Variants in KAZN observed in about 807,000 individuals in gnomAD.
KAZN encodes kazrin.
Under a neutral mutation model 87.4 loss-of-function variants are expected in KAZN, and 40 were observed. The ratio of observed to expected loss-of-function variants is 0.46; its 90% CI spans 0.36 to 0.60. The LOEUF is 0.60. KAZN is among the 20% of genes least tolerant of loss of function. The probability of loss-of-function intolerance (pLI) is 0.00; values close to 1 mark genes in which losing one functional copy is unlikely to be tolerated. For missense variants in KAZN, 898 were observed against 1,073.9 expected (o/e 0.84, Z 2.29); for synonymous variants, 466 against 458.3 (o/e 1.02, Z -0.22).
At chr1:14,276,275 A>G (rs1652348656) in intron 2 of KAZN, among the ~76,000 whole-genome samples, 2 of 151,768 alleles carry the variant, frequency 1.3e-5, no homozygotes, top group Non-Finnish European at 2.9e-5. Context: ...CATCATCATC[A>G]TCATCATCAT....
intron 1 of KAZN, among the ~76,000 whole-genome samples, chr1:14,741,676 C>T (rs979408494): frequency 3.3e-5 from 5 of 152,182 alleles, no homozygotes; most frequent in Non-Finnish European, 7.3e-5. Flanking sequence ...CACTTCCCCC[C>T]GGGGTTTCAA....
At position 14,471,459 on chromosome 1, in the gene KAZN, T is replaced by G. The variant is rs924361304; in HGVS notation, c.250-127524T>G. Among the ~76,000 whole-genome samples, 3 of 152,188 alleles carry G rather than the reference T, an allele frequency of 2.0e-5. No individual in the cohort carries two copies. The South Asian group carries it at 6.2e-4, about 32-fold the overall frequency. On this transcript the variant is annotated intron_variant, in intron 2 of 16. Transcript: ENST00000636203. Reference sequence around the variant, plus strand: ...AAGCTACAGCGCACACACAGGGACATTGCATCGACTTTGGCTTTTGCTCTG... The same window carrying G: ...AAGCTACAGCGCACACACAGGGACAGTGCATCGACTTTGGCTTTTGCTCTG...
At chr1:14,552,416 G>A (rs35030992) in intron 2 of KAZN, among the ~76,000 whole-genome samples, 24,629 of 152,210 alleles carry the variant, frequency 0.16, 2,257 homozygotes, top group East Asian at 0.25. Flanking sequence ...CCCACCCTCC[G>A]TACCACGGCT....
intron 1 of KAZN, among the ~76,000 whole-genome samples, chr1:14,931,016 CCT>C (rs1473079864): frequency 3.3e-5 from 5 of 152,130 alleles, no homozygotes; most frequent in African/African-American, 4.8e-5. Context: ...GAGAGGGAAA[CCT>C]CTGCAGGGAT....
At chr1:14,757,925 A>G (rs1164922003) in intron 1 of KAZN, among the ~76,000 whole-genome samples, 1 of 152,052 alleles carries the variant, frequency 6.6e-6, no homozygotes, top group African/African-American at 2.4e-5. Flanking sequence ...GAGAGGGAGG[A>G]ATACGTTTTG....
At chr1:15,078,754 A>C (rs1327593743) in intron 8 of KAZN, among the ~76,000 whole-genome samples, 3 of 152,192 alleles carry the variant, frequency 2.0e-5, no homozygotes, top group African/African-American at 7.2e-5. Context: ...AGCTGCCGCT[A>C]CGGGACCTCC....
intron 2 of KAZN, among the ~76,000 whole-genome samples, chr1:14,231,831 T>G (rs637709): frequency 0.95 from 144,851 of 152,310 alleles, 68,933 homozygotes; most frequent in East Asian, 1. Context: ...TTCATAGAAA[T>G]TCTAAACAGG....
At chr1:15,037,564 TA>T (rs1672465187) in intron 3 of KAZN, among the ~76,000 whole-genome samples, 1 of 151,842 alleles carries the variant, frequency 6.6e-6, no homozygotes, top group South Asian at 2.1e-4. Flanking sequence ...GCAAGGGGGG[TA>T]GGGGCATATG....
chr1:14,068,276 G>A (rs1280578034), intron 1 of KAZN, among the ~76,000 whole-genome samples: 2 of 152,190 alleles, frequency 1.3e-5, no homozygotes, highest in African/African-American at 2.4e-5. Context: ...TTTGTGTGAC[G>A]ATGTTTTGGA....
intron 1 of KAZN, among the ~76,000 whole-genome samples, chr1:13,945,870 C>A (rs1435827616): frequency 1.3e-5 from 2 of 152,120 alleles, no homozygotes; most frequent in Non-Finnish European, 2.9e-5. Flanking sequence ...GTGTGGTTTT[C>A]AGAACATCCG....
At chr1:14,398,595 G>T (rs1419340335) in intron 2 of KAZN, among the ~76,000 whole-genome samples, 1 of 152,188 alleles carries the variant, frequency 6.6e-6, no homozygotes, top group Non-Finnish European at 1.5e-5. Flanking sequence ...CTCAATGACA[G>T]GTTCTAAGCT....
intron 1 of KAZN, among the ~76,000 whole-genome samples, chr1:13,905,812 T>C (rs1639415563): frequency 6.6e-6 from 1 of 152,218 alleles, no homozygotes; most frequent in Non-Finnish European, 1.5e-5. Flanking sequence ...TAATTTCCTA[T>C]AGCCATTATA....
At chr1:14,606,513 T>C (rs947635317) in intron 1 of KAZN, among the ~76,000 whole-genome samples, 2 of 152,134 alleles carry the variant, frequency 1.3e-5, no homozygotes, top group African/African-American at 4.8e-5. Context: ...GCCTCCAATT[T>C]CTTGGACTTC....
At chr1:14,238,569 C>T (rs115711383) in intron 2 of KAZN, among the ~76,000 whole-genome samples, 1,706 of 152,346 alleles carry the variant, frequency 0.011, 31 homozygotes, top group African/African-American at 0.038. Context: ...CACGCTTATC[C>T]GATGAACAAT....
chr1:13,947,058 C>T (rs1641173951), intron 1 of KAZN, among the ~76,000 whole-genome samples: 1 of 152,086 alleles, frequency 6.6e-6, no homozygotes, highest in African/African-American at 2.4e-5. Flanking sequence ...CTGATCTCTG[C>T]CCCCATGGTC....
chr1:14,902,265 A>G (rs1572776455), intron 1 of KAZN, among the ~76,000 whole-genome samples: 2 of 150,808 alleles, frequency 1.3e-5, no homozygotes, highest in African/African-American at 2.4e-5. Flanking sequence ...TCGCTCTGTC[A>G]CCCAGGCTGG....
intron 2 of KAZN, among the ~76,000 whole-genome samples, chr1:14,496,030 T>G (rs984868552): frequency 6.6e-6 from 1 of 152,196 alleles, no homozygotes; most frequent in African/African-American, 2.4e-5. Flanking sequence ...TGATCCAGCA[T>G]TTTGAGTTTA....
chr1:14,834,814 GTATTA>G (rs1425311340), intron 1 of KAZN, among the ~76,000 whole-genome samples: 9 of 96,954 alleles, frequency 9.3e-5, no homozygotes, highest in African/African-American at 5.9e-4. Flanking sequence ...GGAATTATTA[GTATTA>G]GTATTAGTAT....
rs1449003130 is a variant in KAZN at position 15,066,406 on chromosome 1, C to G, written c.1222+653C>G. On this transcript the variant is annotated intron_variant, in intron 8 of 14. Coordinates refer to ENST00000376030, the MANE Select transcript of KAZN (RefSeq NM_201628.3). The surrounding 1 kb of genome is among the most constrained non-coding windows in gnomAD (Gnocchi z 4.3). ...GGGTGCGCCCAAGTCACTTTAACCACAAAACGCCATCGTCGTCAGGGTAAG... is the reference window on the plus strand; with the variant it reads ...GGGTGCGCCCAAGTCACTTTAACCAGAAAACGCCATCGTCGTCAGGGTAAG... 2.0e-6 allele frequency: 2 copies of G among 984,670 alleles called. No homozygotes were observed. Among genetic ancestry groups the G allele is most frequent in the Non-Finnish European group, 2.4e-6 (2 of 829,880 alleles). The allele number at this position is 984,670 out of a possible 1,614,324, so 61.0% of individuals were successfully genotyped here.
Sources: allele counts gnomAD v4.1 joint callset (sites outside exome capture counted in the v4.1 genomes callset), GRCh38; gene constraint gnomAD v4.1.1; non-coding constraint Gnocchi (gnomAD v3.1); transcripts MANE v1.5; gene names NCBI Gene and HGNC (gene_info 2026-07-23, HGNC 2026-07-21).